The following VDAC1 variants were observed in gnomAD, a reference collection of about 807,000 sequenced individuals.
VDAC1 encodes non-selective voltage-gated ion channel VDAC1.
A neutral mutation model predicts 34.7 loss-of-function variants in VDAC1; 10 were observed. The observed-to-expected ratio is 0.29, with a 90% CI of 0.18 to 0.49. The LOEUF (loss-of-function observed/expected upper bound fraction) is 0.49. VDAC1 is among the 20% of genes least tolerant of loss of function. The pLI is 0.99. For synonymous variants in VDAC1, 130 were observed against 136.0 expected, an observed-to-expected ratio of 0.96 and a Z score of 0.30; for missense variants, 230 against 347.9, an observed-to-expected ratio of 0.66 and a Z score of 2.69.
At chr5:134,058,470 C>T in the VDAC1 span, among the ~76,000 whole-genome samples, 1 of 152,082 alleles carries the variant, frequency 6.6e-6, no homozygotes, top group African/African-American at 2.4e-5. Context: ...CCCGCCACCA[C>T]ACCCGGCTAA....
chr5:133,974,014 T>A (rs1752390216), intron 7 of VDAC1, among the ~76,000 whole-genome samples, 166 bp from the exon 8 acceptor site: 1 of 152,206 alleles, frequency 6.6e-6, no homozygotes, highest in Non-Finnish European at 1.5e-5. Context: ...AATACATCAA[T>A]TTTAGGTGCA....
intron 1 of VDAC1, among the ~76,000 whole-genome samples, chr5:133,994,095 A>G (rs1753206724): frequency 6.6e-6 from 1 of 152,202 alleles, no homozygotes; most frequent in Non-Finnish European, 1.5e-5. Context: ...CTGAAGTTAC[A>G]TGTATATATA....
At chr5:134,090,008 A>G in the VDAC1 span, among the ~76,000 whole-genome samples, 2 of 151,996 alleles carry the variant, frequency 1.3e-5, no homozygotes, top group East Asian at 3.9e-4. Context: ...AAAGAAAGAA[A>G]GAAAATGTGG....
In VDAC1 at chr5:133,980,914, G is replaced by A. The variant is rs143907675; in HGVS notation, c.366C>T (p.His122=). 2.3e-5 allele frequency: 37 copies of A among 1,613,932 alleles called. No individual in the cohort carries two copies. In the East Asian group the frequency reaches 7.4e-4, roughly 32 times the overall value. Reference sequence around the variant, plus strand: ...AATCCATGTCGCAGCCCAGGTTAATGTGCTCCCGCTTGTACCCTGTCTTGA... The same window carrying A: ...AATCCATGTCGCAGCCCAGGTTAATATGCTCCCGCTTGTACCCTGTCTTGA... ...AKIKTGYKRE[H]INLGCDMDFD... The change falls in exon 6 of 9, where the codon CAC becomes CAT. Residue 122 remains histidine (H), a synonymous_variant. Coordinates refer to ENST00000265333, the MANE Select transcript of VDAC1 (RefSeq NM_003374.3).
At chr5:134,043,280 T>A in the VDAC1 span, among the ~76,000 whole-genome samples, 1 of 152,222 alleles carries the variant, frequency 6.6e-6, no homozygotes, top group African/African-American at 2.4e-5. Context: ...CAGTCTCATG[T>A]GAGCTTCACA....
At chr5:134,033,121 A>G in the VDAC1 span, among the ~76,000 whole-genome samples, 1 of 149,292 alleles carries the variant, frequency 6.7e-6, no homozygotes, top group Admixed American at 6.7e-5. Flanking sequence ...ATATACATGT[A>G]TATGCTCAAG....
the VDAC1 span, among the ~76,000 whole-genome samples, chr5:134,113,565 G>A: frequency 6.6e-5 from 10 of 152,360 alleles, no homozygotes; most frequent in South Asian, 1.2e-3. Context: ...GCTCTCAGAA[G>A]AGGCGTGAGC....
chr5:133,988,316 G>C (rs1282365318), intron 5 of VDAC1, among the ~76,000 whole-genome samples: 1 of 151,936 alleles, frequency 6.6e-6, no homozygotes, highest in Non-Finnish European at 1.5e-5. Flanking sequence ...GGCAGGTGCA[G>C]TGGCTCACGC....
At chr5:134,112,816 CTGT>C in the VDAC1 span, among the ~76,000 whole-genome samples, 856 of 152,268 alleles carry the variant, frequency 5.6e-3, 6 homozygotes, top group African/African-American at 0.019. Context: ...AAGAACCTCA[CTGT>C]TGTTGTGACT....
At chr5:134,033,990 T>C in the VDAC1 span, among the ~76,000 whole-genome samples, 2 of 149,192 alleles carry the variant, frequency 1.3e-5, no homozygotes, top group Admixed American at 1.3e-4. Flanking sequence ...AGACTCCGTC[T>C]CAAAAAAAAA....
chr5:134,069,126 A>G, the VDAC1 span, among the ~76,000 whole-genome samples: 1 of 150,098 alleles, frequency 6.7e-6, no homozygotes, highest in African/African-American at 2.4e-5. Context: ...CTTTCAGAAG[A>G]AAAAAAATGA....
chr5:134,019,198 C>G, the VDAC1 span, among the ~76,000 whole-genome samples: 1 of 152,014 alleles, frequency 6.6e-6, no homozygotes, highest in Non-Finnish European at 1.5e-5. Flanking sequence ...AAAAAAAACC[C>G]TACAAGTAGA....
chr5:134,075,492 A>G, the VDAC1 span, among the ~76,000 whole-genome samples: 20 of 152,368 alleles, frequency 1.3e-4, no homozygotes, highest in African/African-American at 4.6e-4. Flanking sequence ...TGTTCACAAT[A>G]CTTTCATACT....
At chr5:134,085,363 TG>T in the VDAC1 span, among the ~76,000 whole-genome samples, 1 of 151,430 alleles carries the variant, frequency 6.6e-6, no homozygotes, top group Non-Finnish European at 1.5e-5. Flanking sequence ...CCACCGCGTG[TG>T]GCCCGAGATG....
At chr5:134,046,004 T>C in the VDAC1 span, among the ~76,000 whole-genome samples, 3,998 of 133,664 alleles carry the variant, frequency 0.03, 159 homozygotes, top group African/African-American at 0.096. Context: ...TTTTTTTTTT[T>C]CCATTTTTAT....
chr5:134,024,063 G>A, the VDAC1 span, among the ~76,000 whole-genome samples: 6 of 151,914 alleles, frequency 3.9e-5, no homozygotes, highest in Non-Finnish European at 8.8e-5. Flanking sequence ...AGAATGGCTT[G>A]AACCAGGAGG....
the VDAC1 span, among the ~76,000 whole-genome samples, chr5:134,039,582 G>C: frequency 2.0e-5 from 3 of 152,286 alleles, no homozygotes; most frequent in East Asian, 5.8e-4. Flanking sequence ...GCCCGCCTTG[G>C]CCTCCCAAAG....
chr5:134,094,621 C>T, the VDAC1 span, among the ~76,000 whole-genome samples: 7 of 148,998 alleles, frequency 4.7e-5, no homozygotes, highest in South Asian at 4.3e-4. Flanking sequence ...GGCGTGAACC[C>T]GGGAGGCGGA....
chr5:134,040,265 C>T, the VDAC1 span, among the ~76,000 whole-genome samples: 1 of 151,978 alleles, frequency 6.6e-6, no homozygotes, highest in Non-Finnish European at 1.5e-5. Flanking sequence ...ACCCGGTCTC[C>T]ACTAAAAATA....
Sources: allele counts gnomAD v4.1 joint callset (sites outside exome capture counted in the v4.1 genomes callset), GRCh38; gene constraint gnomAD v4.1.1; transcripts MANE v1.5; gene names NCBI Gene and HGNC (gene_info 2026-07-23, HGNC 2026-07-21).